The following DYSF variants were observed in gnomAD, a reference collection of about 807,000 sequenced individuals.
The protein encoded by DYSF is dysferlin, also known as dystrophy-associated fer-1-like 1.
Under a neutral mutation model 274.9 loss-of-function variants are expected in DYSF, and 212 were observed. The observed-to-expected ratio is 0.77, with a 90% confidence interval of 0.69 to 0.86. The LOEUF is 0.86. Ranked by LOEUF, DYSF falls within the 40% of genes least tolerant of loss-of-function variation. DYSF has a pLI of 0.00. For synonymous variants in DYSF, 1,091 were observed against 1,078.7 expected, an observed-to-expected ratio of 1.01 and a Z score of -0.22; for missense variants, 2,666 against 2,783.2, an observed-to-expected ratio of 0.96 and a Z score of 0.95.
rs544642005 is a variant in DYSF at position 71,588,139 on chromosome 2, C to T, written c.3403-1454C>T. 2.0e-5 allele frequency among the ~76,000 whole-genome samples: 3 copies of T among 151,844 alleles called. No individual in the cohort carries two copies. In the South Asian group the frequency reaches 6.2e-4, roughly 31 times the overall value. ...GTGTGTCTGGGACAGCTTTAAGGAG[C>T]GTGGTTTGCCTGAAGCCAAGGGCCG... On this transcript the variant is annotated intron_variant, in intron 30 of 55. Transcript: ENST00000410020.
chr2:71,608,263 C>T (rs532444912), intron 36 of DYSF, among the ~76,000 whole-genome samples: 65 of 141,712 alleles, frequency 4.6e-4, no homozygotes, highest in African/African-American at 1.9e-3. Flanking sequence ...GAGAGGAGGG[C>T]GCGGGTGGAT....
chr2:71,516,720 A>G (rs2086698480), intron 9 of DYSF, among the ~76,000 whole-genome samples: 1 of 152,110 alleles, frequency 6.6e-6, no homozygotes, highest in Non-Finnish European at 1.5e-5. Context: ...AGGCTCCGGC[A>G]CTAGAGTGGA....
intron 14 of DYSF, among the ~76,000 whole-genome samples, chr2:71,529,385 G>A (rs552182837): frequency 1.3e-5 from 2 of 152,284 alleles, no homozygotes; most frequent in East Asian, 3.9e-4. Context: ...ATTTGTCCAA[G>A]TACTGGATTT....
intron 51 of DYSF, among the ~76,000 whole-genome samples, chr2:71,673,947 C>T (rs1033527982): frequency 6.6e-6 from 1 of 152,172 alleles, no homozygotes; most frequent in Non-Finnish European, 1.5e-5. Flanking sequence ...ATAACCTTGA[C>T]TTACAGAGTT....
At position 71,520,230 on chromosome 2, in the gene DYSF, C is replaced by A. The variant is rs77595657; in HGVS notation, c.1033+22C>A. ...CCCCGTGAGTTCTCACCACTTTGGC[C>A]GTATCCTTGCATTTTGGTTCTGGAG... On this transcript the variant is annotated intron_variant, in intron 11 of 55. Coordinates refer to ENST00000410020, the MANE Select transcript of DYSF (RefSeq NM_001130987.2). 7.2e-5 allele frequency: 117 copies of A among 1,613,954 alleles called. 1 individual carries two copies. The Admixed American group carries it at 1.4e-3, about 20-fold the overall frequency.
intron 17 of DYSF, among the ~76,000 whole-genome samples, chr2:71,545,909 G>C (rs1441559996): frequency 6.6e-6 from 1 of 152,192 alleles, no homozygotes; most frequent in Non-Finnish European, 1.5e-5. Context: ...AGCATGCTGC[G>C]GAAGGCATTC....
At chr2:71,503,353 C>A in intron 4 of DYSF, 34 bp downstream of exon 4, 2 of 1,607,574 alleles carry the variant, frequency 1.2e-6, no homozygotes, top group Non-Finnish European at 1.7e-6. Flanking sequence ...AGGTTAAGGT[C>A]CAAGGCATTG....
intron 4 of DYSF, among the ~76,000 whole-genome samples, chr2:71,511,274 C>A (rs765024533): frequency 6.6e-6 from 1 of 152,202 alleles, no homozygotes; most frequent in South Asian, 2.1e-4. Context: ...ACACTGAGAC[C>A]CTCTCAGTGC....
At chr2:71,465,973 T>C (rs892164963), upstream of DYSF, among the ~76,000 whole-genome samples, 1 of 152,182 alleles carries the variant, frequency 6.6e-6, no homozygotes, top group African/African-American at 2.4e-5. Flanking sequence ...AGCTGGACCC[T>C]AGTTCTCCAG....
At chr2:71,575,858 C>A (rs752394172) in intron 30 of DYSF, among the ~76,000 whole-genome samples, 1 of 152,202 alleles carries the variant, frequency 6.6e-6, no homozygotes, top group Non-Finnish European at 1.5e-5. Flanking sequence ...CAGGTTCATA[C>A]AGTGTCCCCA....
chr2:71,472,598 G>A (rs182789666), intron 1 of DYSF, among the ~76,000 whole-genome samples: 1 of 152,218 alleles, frequency 6.6e-6, no homozygotes, highest in East Asian at 1.9e-4. Flanking sequence ...AGTAGAGACG[G>A]GGTTTCACCA....
At chr2:71,513,160 G>T in intron 5 of DYSF, 80 bp from the exon 6 acceptor site, 2 of 1,353,290 alleles carry the variant, frequency 1.5e-6, no homozygotes, top group Non-Finnish European at 2.1e-6. Flanking sequence ...CAGGGTTGGG[G>T]ATGGAGGTGC....
chr2:71,640,906 T>G (rs2094475675), intron 41 of DYSF, among the ~76,000 whole-genome samples: 1 of 152,158 alleles, frequency 6.6e-6, no homozygotes, highest in Non-Finnish European at 1.5e-5. Context: ...CCTCCTGTCT[T>G]TTTTTGGAAG....
rs1558555029 is a variant in DYSF at position 71,590,236 on chromosome 2, C to T, written c.3522C>T (p.Cys1174=). The part of the protein sequence containing the change: ...FDYGNRYHLR[C]YMYQARDLAA... ...ATGGGAACCGCTACCATCTACGCTGCTACATGTACCAGGCCCGGGACCTGG... is the reference window on the plus strand; with the variant it reads ...ATGGGAACCGCTACCATCTACGCTGTTACATGTACCAGGCCCGGGACCTGG... Residue 1174 remains cysteine, a synonymous_variant, in exon 32 of 56, where the codon TGC becomes TGT. Transcript: ENST00000410020. 6.2e-7 allele frequency: 1 copy of T among 1,614,156 alleles called. No individual in the cohort carries two copies. Among genetic ancestry groups the T allele is most frequent in the Non-Finnish European group, 8.5e-7 (1 of 1,180,016 alleles).
At chr2:71,666,332 C>T (rs11904578) in intron 47 of DYSF, among the ~76,000 whole-genome samples, 5,957 of 152,272 alleles carry the variant, frequency 0.039, 421 homozygotes, top group African/African-American at 0.13. Context: ...GAGTGGTGAA[C>T]GACCTGCCCA....
chr2:71,519,484 C>CT (rs2087000179), intron 10 of DYSF, among the ~76,000 whole-genome samples: 1 of 152,154 alleles, frequency 6.6e-6, no homozygotes. Context: ...TCCCTGCCCC[C>CT]TGCCCCTGCT....
chr2:71,618,368 G>GTGGTGTGTGTGTT, intron 40 of DYSF, among the ~76,000 whole-genome samples: 1 of 2,354 alleles, frequency 4.2e-4, no homozygotes, highest in Non-Finnish European at 9.3e-4. Context: ...TGTGGTAGAG[G>GTGGTGTGTGTGTT]TGGCATGTGT....
intron 30 of DYSF, among the ~76,000 whole-genome samples, chr2:71,581,349 A>G (rs2092890849): frequency 6.6e-6 from 1 of 152,228 alleles, no homozygotes; most frequent in African/African-American, 2.4e-5. Context: ...CTCCAGCTGT[A>G]AATTAAATGG....
Position 71,535,035 on chromosome 2 carries a change from C to A in DYSF, c.1395C>A (p.Ile465=), listed in dbSNP as rs1255740798. ...GTGTCTTCTAGCTGTGCAGCAAGATCTTGGAGAAGACGGCCAACCCTCAGT... is the reference window on the plus strand; with the variant it reads ...GTGTCTTCTAGCTGTGCAGCAAGATATTGGAGAAGACGGCCAACCCTCAGT... ...SFAGKMLCSK[I]LEKTANPQWN... Residue 465 remains isoleucine (I), a synonymous_variant, in exon 15 of 56, where the codon ATC becomes ATA. Coordinates refer to ENST00000410020, the MANE Select transcript of DYSF (RefSeq NM_001130987.2). 14 of 1,614,186 alleles carry A rather than the reference C, an allele frequency of 8.7e-6. No individual in the cohort carries two copies. Among genetic ancestry groups the A allele is most frequent in the Non-Finnish European group, 1.2e-5 (14 of 1,180,026 alleles).
Sources: gnomAD v4.1 joint callset for allele counts (sites outside exome capture counted in the v4.1 genomes callset) on GRCh38, gnomAD v4.1.1 for gene constraint, MANE v1.5 for transcripts, NCBI Gene and HGNC (gene_info 2026-07-23, HGNC 2026-07-21) for gene names.